Variants in RTF1 observed in about 807,000 individuals in gnomAD.
The protein encoded by RTF1 is RNA polymerase-associated protein RTF1 homolog.
A neutral mutation model predicts 95.7 loss-of-function variants in RTF1; 10 were observed. The observed-to-expected ratio is 0.10, with a 90% CI of 0.06 to 0.18. The LOEUF is 0.18. RTF1 is among the 10% of genes least tolerant of loss of function. The probability of loss-of-function intolerance (pLI) is 1.00; values close to 1 mark genes in which losing one functional copy is unlikely to be tolerated. For synonymous variants in RTF1, 305 were observed against 311.8 expected, an observed-to-expected ratio of 0.98 and a Z score of 0.23; for missense variants, 458 against 875.6, an observed-to-expected ratio of 0.52 and a Z score of 6.02.
At chr15:41,467,236 C>G (rs2050885142) in intron 6 of RTF1, among the ~76,000 whole-genome samples, 1 of 152,102 alleles carries the variant, frequency 6.6e-6, no homozygotes, top group African/African-American at 2.4e-5. Context: ...TCTCTTCCTC[C>G]CTGGGCCAGT....
chr15:41,467,919 CT>C (rs1305543304), intron 6 of RTF1, among the ~76,000 whole-genome samples: 1 of 152,026 alleles, frequency 6.6e-6, no homozygotes, highest in Non-Finnish European at 1.5e-5. Flanking sequence ...AATCCCAGCA[CT>C]TTGTGAGGTC....
At chr15:41,421,502 G>A (rs1474916856) in intron 1 of RTF1, among the ~76,000 whole-genome samples, 3 of 151,516 alleles carry the variant, frequency 2.0e-5, no homozygotes, top group East Asian at 3.9e-4. Flanking sequence ...GCATGGTGGC[G>A]TGCCTCTAGT....
At chr15:41,462,035 G>A (rs2050852123) in intron 4 of RTF1, among the ~76,000 whole-genome samples, 1 of 151,706 alleles carries the variant, frequency 6.6e-6, no homozygotes, top group Middle Eastern at 3.4e-3. Flanking sequence ...GGTTACAGGT[G>A]TGAACCACCA....
Position 41,477,078 on chromosome 15 carries a change from T to C in RTF1, c.1561-87T>C. Reference sequence around the variant, plus strand: ...TCCTTTGCTCACCACATGAGATATCTTTGCCTGTGCTGGAAGTAAGGGGAT... The same window carrying C: ...TCCTTTGCTCACCACATGAGATATCCTTGCCTGTGCTGGAAGTAAGGGGAT... On this transcript the variant is annotated intron_variant, in intron 12 of 17. Coordinates refer to ENST00000389629, the MANE Select transcript of RTF1 (RefSeq NM_015138.5). 3 of 1,558,280 alleles carry C rather than the reference T, an allele frequency of 1.9e-6. No homozygotes were observed. The East Asian group carries it at 6.7e-5, about 35-fold the overall frequency.
chr15:41,473,408 A>G (rs2050925396), intron 8 of RTF1, among the ~76,000 whole-genome samples: 1 of 150,024 alleles, frequency 6.7e-6, no homozygotes, highest in South Asian at 2.1e-4. Flanking sequence ...CTGGGATTAC[A>G]GGTGTGAGCC....
At chr15:41,470,145 A>G (rs1566847880) in intron 6 of RTF1, 112 bp from the exon 7 acceptor site, 2 of 1,120,446 alleles carry the variant, frequency 1.8e-6, no homozygotes. Context: ...AATCCAGTCT[A>G]GAGAGGACGG....
chr15:41,422,097 C>T (rs1289170346), intron 1 of RTF1, among the ~76,000 whole-genome samples: 2 of 152,100 alleles, frequency 1.3e-5, no homozygotes, highest in Non-Finnish European at 2.9e-5. Flanking sequence ...TACAATAGCA[C>T]GATCTCGACT....
At chr15:41,438,888 A>G (rs998224551) in intron 2 of RTF1, among the ~76,000 whole-genome samples, 1 of 151,694 alleles carries the variant, frequency 6.6e-6, no homozygotes, top group African/African-American at 2.4e-5. Context: ...GGTGTAATGA[A>G]AGCTATTGAA....
At chr15:41,434,094 T>C (rs2050689709) in intron 1 of RTF1, among the ~76,000 whole-genome samples, 1 of 151,502 alleles carries the variant, frequency 6.6e-6, no homozygotes, top group Non-Finnish European at 1.5e-5. Context: ...ATCCGCCACC[T>C]TGGCCTCCCC....
At chr15:41,455,134 T>G (rs1447588908) in intron 3 of RTF1, among the ~76,000 whole-genome samples, 1 of 151,784 alleles carries the variant, frequency 6.6e-6, no homozygotes, top group Non-Finnish European at 1.5e-5. Context: ...GCCAACATGG[T>G]GAAACCCCGT....
At chr15:41,456,973 A>G (rs1021950053) in intron 3 of RTF1, among the ~76,000 whole-genome samples, 1 of 152,184 alleles carries the variant, frequency 6.6e-6, no homozygotes, top group Admixed American at 6.5e-5. Flanking sequence ...AGTCCCAGCT[A>G]CGCAGGAGGC....
chr15:41,422,639 A>G (rs370159496), intron 1 of RTF1, among the ~76,000 whole-genome samples: 304 of 152,356 alleles, frequency 2.0e-3, no homozygotes, highest in Non-Finnish European at 3.1e-3. Flanking sequence ...AGCTATGTGC[A>G]CACTGGGATG....
chr15:41,478,040 A>C (rs1419991642), intron 14 of RTF1, among the ~76,000 whole-genome samples: 1 of 152,032 alleles, frequency 6.6e-6, no homozygotes, highest in African/African-American at 2.4e-5. Context: ...TGGGATGTGG[A>C]GATTGCAGTG....
At chr15:41,450,738 C>G (rs1320543308) in intron 2 of RTF1, among the ~76,000 whole-genome samples, 1 of 152,016 alleles carries the variant, frequency 6.6e-6, no homozygotes, top group East Asian at 1.9e-4. Context: ...TTGTATGAGT[C>G]TAGGAGTCTG....
chr15:41,418,337 C>T (rs1041890155), intron 1 of RTF1, among the ~76,000 whole-genome samples: 1 of 152,192 alleles, frequency 6.6e-6, no homozygotes, highest in African/African-American at 2.4e-5. Context: ...ATGCTATTTT[C>T]TAGCTATATA....
At chr15:41,461,704 C>G (rs146218253) in intron 4 of RTF1, among the ~76,000 whole-genome samples, 2 of 151,064 alleles carry the variant, frequency 1.3e-5, no homozygotes, top group African/African-American at 2.4e-5. Context: ...TTAGCCAGGA[C>G]GGTCTTGATC....
In RTF1 at chr15:41,438,456, T is replaced by A. The variant is rs567427115; in HGVS notation, c.309+25T>A. 59 of 1,484,980 alleles carry A rather than the reference T, an allele frequency of 4.0e-5. 1 individual carries two copies. Among genetic ancestry groups the A allele is most frequent in the Non-Finnish European group, 5.2e-5 (57 of 1,089,668 alleles). 92.0% of individuals were successfully genotyped at this position (1,484,980 alleles called of 1,614,324 possible). A position where few individuals can be genotyped will look rare whatever the true frequency, so the allele number is the denominator to read the frequency against. ...GGTGGGTGTGGAGGGCCTCGGCTTC[T>A]GGGACCATTAGATAGTTGAGGCTCC... On this transcript the variant is annotated intron_variant, in intron 2 of 17. Transcript: ENST00000389629.
chr15:41,474,718 G>T lies in RTF1; in HGVS notation c.1286+16G>T, dbSNP rs777076791. The T allele has an allele frequency of 1.3e-6, 2 of 1,594,488 alleles. No homozygotes were observed. The highest frequency in any genetic ancestry group is 1.1e-5 in the South Asian group (1 of 90,670). On this transcript the variant is annotated intron_variant, in intron 9 of 17. Transcript: ENST00000389629. ...TGCAACTACGGTAGGAGGCACTTCT[G>T]GGGTAGCTTCTGCTTCCACTTCAAA...
intron 14 of RTF1, among the ~76,000 whole-genome samples, chr15:41,477,810 G>C (rs1436052246): frequency 6.6e-6 from 1 of 152,152 alleles, no homozygotes; most frequent in African/African-American, 2.4e-5. Context: ...ATTCTTGAAG[G>C]GAAAAGGATA....
Sources: allele counts gnomAD v4.1 joint callset (sites outside exome capture counted in the v4.1 genomes callset), GRCh38; gene constraint gnomAD v4.1.1; transcripts MANE v1.5; gene names NCBI Gene and HGNC (gene_info 2026-07-23, HGNC 2026-07-21).